Variants in GRK5 observed in about 807,000 individuals in gnomAD.
The protein encoded by GRK5 is g protein-coupled receptor kinase GRK5.
A neutral mutation model predicts 78.4 loss-of-function variants in GRK5; 40 were observed. The observed-to-expected ratio is 0.51, with a 90% CI of 0.40 to 0.66. The LOEUF (loss-of-function observed/expected upper bound fraction) is 0.66, where lower values mean the gene tolerates loss of function less well. Among genes scored for constraint, GRK5 ranks in the 30% least tolerant of loss-of-function variants. GRK5 has a pLI of 0.00. For missense variants in GRK5, 598 were observed against 759.9 expected (o/e 0.79, Z 2.50); for synonymous variants, 289 against 296.8 (o/e 0.97, Z 0.27).
At position 119,393,285 on chromosome 10, in the gene GRK5, G is replaced by A. The variant is rs143452912; in HGVS notation, c.262-3410G>A. Among the ~76,000 whole-genome samples the A allele has an allele frequency of 9.7e-3, 1,479 of 152,372 alleles. 35 individuals carry two copies. The highest frequency in any genetic ancestry group is 0.033 in the African/African-American group (1,377 of 41,592). On this transcript the variant is annotated intron_variant, in intron 3 of 15. Transcript: ENST00000392870. The stretch of plus-strand genomic sequence containing the variant: ...CCCGGCAGGGGAGGCCTGTCCCCGC[G>A]TGCTCCCTCTGCCGCCCTGTGGACC...
At chr10:119,448,409 A>G (rs576573474) in intron 13 of GRK5, 149 bp downstream of exon 13, 4 of 890,546 alleles carry the variant, frequency 4.5e-6, no homozygotes, top group Admixed American at 6.1e-5. Context: ...CTCCTCACCT[A>G]AGCTGCAGAT....
At chr10:119,215,947 TTTCTGAGCTGGGAAGAC>T (rs1478097788) in intron 1 of GRK5, among the ~76,000 whole-genome samples, 1 of 152,206 alleles carries the variant, frequency 6.6e-6, no homozygotes, top group African/African-American at 2.4e-5. Flanking sequence ...GTTTTCATTT[TTTCTGAGCTGGGAAGAC>T]ATCAGGAAGA....
intron 1 of GRK5, among the ~76,000 whole-genome samples, chr10:119,320,377 G>A (rs1187255725): frequency 6.6e-6 from 1 of 152,232 alleles, no homozygotes; most frequent in African/African-American, 2.4e-5. Flanking sequence ...GGTGATGAGA[G>A]CTGTGGGCTG....
intron 1 of GRK5, among the ~76,000 whole-genome samples, chr10:119,269,638 C>T (rs935897441): frequency 2.0e-5 from 3 of 151,854 alleles, no homozygotes; most frequent in Admixed American, 2.0e-4. Context: ...TGAGACCAGC[C>T]TGGCCAACAT....
intron 9 of GRK5, among the ~76,000 whole-genome samples, 169 bp downstream of exon 9, chr10:119,437,010 G>A (rs954172784): frequency 2.6e-5 from 4 of 152,266 alleles, no homozygotes; most frequent in Middle Eastern, 3.4e-3. Context: ...TGGGGCCTCC[G>A]GCACTGAGGA....
Position 119,452,876 on chromosome 10 carries a change from C to CG in GRK5, c.1542+71dup. On this transcript the variant is annotated intron_variant, in intron 14 of 15. Coordinates refer to ENST00000392870, the MANE Select transcript of GRK5 (RefSeq NM_005308.3). This position sits in a 1 kb window ranked among gnomAD's most constrained non-coding sequence, Gnocchi z 4.4. The stretch of plus-strand genomic sequence containing the variant: ...GGGACTGACGGGTGGAAGGAGGCGT[C>CG]GGGAATATGAGTTTGGCGGCAGGAG... 6.7e-7 allele frequency: 1 copy of CG among 1,492,548 alleles called. No individual in the cohort carries two copies. Among genetic ancestry groups the CG allele is most frequent in the Non-Finnish European group, 9.2e-7 (1 of 1,081,508 alleles). 92.5% of individuals were successfully genotyped at this position (1,492,548 alleles called of 1,614,324 possible). A position where few individuals can be genotyped will look rare whatever the true frequency, so the allele number is the denominator to read the frequency against.
At chr10:119,313,652 G>T (rs1367947318) in intron 1 of GRK5, among the ~76,000 whole-genome samples, 2 of 152,050 alleles carry the variant, frequency 1.3e-5, no homozygotes, top group Non-Finnish European at 2.9e-5. Flanking sequence ...TAGCCTTTGT[G>T]GGGGAGGTGG....
intron 1 of GRK5, among the ~76,000 whole-genome samples, chr10:119,293,837 C>G (rs886631073): frequency 6.6e-6 from 1 of 152,108 alleles, no homozygotes; most frequent in Non-Finnish European, 1.5e-5. Context: ...TCTATTGTTA[C>G]GTTAAACCTG....
chr10:119,435,934 C>A (rs1406314245), intron 8 of GRK5, among the ~76,000 whole-genome samples: 2 of 152,222 alleles, frequency 1.3e-5, no homozygotes, highest in Non-Finnish European at 2.9e-5. Flanking sequence ...AAAGGCACTT[C>A]TTACATGGCG....
chr10:119,342,748 G>T (rs1851004723), intron 2 of GRK5, among the ~76,000 whole-genome samples: 2 of 152,204 alleles, frequency 1.3e-5, no homozygotes, highest in African/African-American at 4.8e-5. Flanking sequence ...CTGCCAGGTG[G>T]TGGGGAGCGG....
In GRK5 at chr10:119,448,127, T is replaced by G; in HGVS notation, c.1271T>G (p.Leu424Arg). The change falls in exon 13 of 16, where the codon CTC (leucine) becomes CGC (arginine). Residue 424 changes from leucine to arginine, a missense_variant. Leu to Arg is a moderately radical substitution (Grantham distance 102). Transcript: ENST00000392870. The part of the protein sequence containing the change: ...EEAKSICKML[L>R]TKDAKQRLGC... Reference sequence around the variant, plus strand: ...TCATGGGGCTCTCTGTTTCAGCTGCTCACGAAAGATGCGAAGCAGAGGCTG... The same window carrying G: ...TCATGGGGCTCTCTGTTTCAGCTGCGCACGAAAGATGCGAAGCAGAGGCTG... 1 of 1,550,516 alleles carries G rather than the reference T, an allele frequency of 6.4e-7. No individual in the cohort carries two copies. The highest frequency in any genetic ancestry group is 8.7e-7 in the Non-Finnish European group (1 of 1,155,214).
intron 3 of GRK5, among the ~76,000 whole-genome samples, chr10:119,388,653 C>T (rs1315827354): frequency 6.6e-6 from 1 of 152,192 alleles, no homozygotes; most frequent in Non-Finnish European, 1.5e-5. Flanking sequence ...TAGTTCACCT[C>T]AAAATATAGT....
chr10:119,383,808 A>G (rs1042689978), intron 3 of GRK5, among the ~76,000 whole-genome samples: 2 of 152,116 alleles, frequency 1.3e-5, no homozygotes, highest in African/African-American at 4.8e-5. Flanking sequence ...CTCATCTTGT[A>G]CTAGATCCAT....
In GRK5 at chr10:119,261,868, C is replaced by G. The variant is rs139155126; in HGVS notation, c.52+53899C>G. On this transcript the variant is annotated intron_variant, in intron 1 of 15. Coordinates refer to ENST00000392870, the MANE Select transcript of GRK5 (RefSeq NM_005308.3). The stretch of plus-strand genomic sequence containing the variant: ...GCAGCAGTATAGTCCAGCTTCGGCT[C>G]GGCATGAGAGGGAGACTGTGGAAAG... 4.8e-3 allele frequency among the ~76,000 whole-genome samples: 737 copies of G among 152,052 alleles called. 8 individuals are homozygous for G. The highest frequency in any genetic ancestry group is 0.017 in the African/African-American group (686 of 41,454).
chr10:119,329,591 G>A (rs1471757341), intron 2 of GRK5, among the ~76,000 whole-genome samples: 3 of 152,108 alleles, frequency 2.0e-5, no homozygotes, highest in Non-Finnish European at 2.9e-5. Flanking sequence ...TTAGCTGGGC[G>A]TGGTGGCGCA....
chr10:119,349,935 T>C (rs1851164554), intron 2 of GRK5, among the ~76,000 whole-genome samples: 1 of 152,270 alleles, frequency 6.6e-6, no homozygotes, highest in Non-Finnish European at 1.5e-5. Flanking sequence ...GCTGTGCAGC[T>C]TGCAAAGCGC....
chr10:119,428,409 G>T (rs545760730), intron 6 of GRK5, among the ~76,000 whole-genome samples: 4 of 152,346 alleles, frequency 2.6e-5, no homozygotes, highest in African/African-American at 4.8e-5. Flanking sequence ...ACCCCCAGAG[G>T]GGGGCATGCC....
intron 2 of GRK5, among the ~76,000 whole-genome samples, chr10:119,374,066 T>C (rs1851588902): frequency 1.3e-5 from 2 of 151,952 alleles, no homozygotes; most frequent in East Asian, 3.9e-4. Context: ...CCTATTGAGG[T>C]TGGATGGAAA....
intron 12 of GRK5, among the ~76,000 whole-genome samples, chr10:119,444,334 C>T (rs1436524301): frequency 6.6e-6 from 1 of 152,096 alleles, no homozygotes; most frequent in Non-Finnish European, 1.5e-5. Flanking sequence ...GTGGGTGGGG[C>T]CAGATGGGGG....
Sources: allele counts gnomAD v4.1 joint callset (sites outside exome capture counted in the v4.1 genomes callset), GRCh38; gene constraint gnomAD v4.1.1; non-coding constraint Gnocchi (gnomAD v3.1); transcripts MANE v1.5; gene names NCBI Gene and HGNC (gene_info 2026-07-23, HGNC 2026-07-21).